The following ERBB4 variants were observed in gnomAD, a reference collection of about 807,000 sequenced individuals.
ERBB4 encodes the protein receptor tyrosine-protein kinase erbB-4.
A neutral mutation model predicts 158.0 loss-of-function variants in ERBB4; 42 were observed. The observed-to-expected ratio is 0.27, with a 90% CI of 0.21 to 0.34. ERBB4 has a LOEUF of 0.34. Among genes scored for constraint, ERBB4 ranks in the 10% least tolerant of loss-of-function variants. The pLI is 1.00. For missense variants in ERBB4, 1,333 were observed against 1,624.1 expected, an observed-to-expected ratio of 0.82 and a Z score of 3.08; for synonymous variants, 583 against 558.7, an observed-to-expected ratio of 1.04 and a Z score of -0.61.
Position 212,506,254 on chromosome 2 carries a change from T to A in ERBB4, c.82+32195A>T, listed in dbSNP as rs1691190235. ...TAGGCCATTTCCCCATCTCTCTCCCTCTCCTTGGGTTTCCCAATTCCCTGA... is the reference window on the plus strand; with the variant it reads ...TAGGCCATTTCCCCATCTCTCTCCCACTCCTTGGGTTTCCCAATTCCCTGA... On this transcript the variant is annotated intron_variant, in intron 1 of 27. Transcript: ENST00000342788. 1.3e-5 allele frequency among the ~76,000 whole-genome samples: 2 copies of A among 148,714 alleles called. 1 individual carries two copies. The highest frequency in any genetic ancestry group is 3.0e-5 in the Non-Finnish European group (2 of 65,988).
intron 1 of ERBB4, among the ~76,000 whole-genome samples, chr2:212,320,314 C>A (rs148180464): frequency 6.8e-6 from 1 of 146,846 alleles, no homozygotes; most frequent in African/African-American, 2.5e-5. Flanking sequence ...GTTTCAAGTA[C>A]AGTCTTTTTT....
intron 15 of ERBB4, among the ~76,000 whole-genome samples, chr2:211,662,762 G>C (rs768902568): frequency 6.6e-6 from 1 of 152,130 alleles, no homozygotes; most frequent in Non-Finnish European, 1.5e-5. Flanking sequence ...AGTAGTAAAA[G>C]TGCTTTTAAA....
At chr2:212,199,432 C>T (rs2082527554) in intron 1 of ERBB4, among the ~76,000 whole-genome samples, 2 of 152,154 alleles carry the variant, frequency 1.3e-5, no homozygotes, top group Admixed American at 6.6e-5. Context: ...ATCCCCAGAA[C>T]ATAACTATTA....
intron 1 of ERBB4, among the ~76,000 whole-genome samples, chr2:212,251,519 G>C (rs1468083940): frequency 1.3e-5 from 2 of 151,882 alleles, no homozygotes; most frequent in Non-Finnish European, 2.9e-5. Flanking sequence ...AAGCAAAAAT[G>C]AGGATCAGTA....
At chr2:212,512,339 C>T (rs202181797) in intron 1 of ERBB4, among the ~76,000 whole-genome samples, 1 of 146,224 alleles carries the variant, frequency 6.8e-6, no homozygotes, top group Non-Finnish European at 1.5e-5. Context: ...TATATATATA[C>T]ACACAAATAT....
At chr2:212,237,849 G>A (rs766120222) in intron 1 of ERBB4, among the ~76,000 whole-genome samples, 20 of 152,184 alleles carry the variant, frequency 1.3e-4, no homozygotes, top group Non-Finnish European at 2.5e-4. Context: ...TGCCCAGTTC[G>A]AACTTCCAAG....
chr2:211,493,017 A>T (rs1182106189), intron 20 of ERBB4, among the ~76,000 whole-genome samples: 1 of 152,120 alleles, frequency 6.6e-6, no homozygotes, highest in Non-Finnish European at 1.5e-5. Flanking sequence ...CAGGTTTTAT[A>T]TGTCATTAAT....
At chr2:212,229,416 G>A (rs75155942) in intron 1 of ERBB4, among the ~76,000 whole-genome samples, 5,474 of 152,230 alleles carry the variant, frequency 0.036, 323 homozygotes, top group African/African-American at 0.12. Flanking sequence ...AAACATATAT[G>A]CAAAAGTGCA....
intron 16 of ERBB4, among the ~76,000 whole-genome samples, chr2:211,631,462 T>C (rs569709660): frequency 2.6e-5 from 4 of 152,304 alleles, no homozygotes; most frequent in African/African-American, 9.6e-5. Context: ...AAAAGAGGTT[T>C]GCACATGAAG....
chr2:212,477,887 C>A (rs1331693371), intron 1 of ERBB4, among the ~76,000 whole-genome samples: 2 of 152,088 alleles, frequency 1.3e-5, no homozygotes, highest in African/African-American at 4.8e-5. Flanking sequence ...GATTCTCTGG[C>A]ATCTCTCTTG....
At chr2:211,526,748 G>C (rs565094485) in intron 20 of ERBB4, among the ~76,000 whole-genome samples, 1 of 151,364 alleles carries the variant, frequency 6.6e-6, no homozygotes, top group Non-Finnish European at 1.5e-5. Flanking sequence ...AAGAGAGTAA[G>C]TTAATTAAAG....
chr2:211,651,617 T>C (rs2070987194), intron 16 of ERBB4, among the ~76,000 whole-genome samples: 1 of 146,978 alleles, frequency 6.8e-6, no homozygotes, highest in Non-Finnish European at 1.5e-5. Flanking sequence ...CTGGGTCTAT[T>C]GGTCAGAGAG....
intron 3 of ERBB4, among the ~76,000 whole-genome samples, chr2:211,845,803 G>A (rs1055180950): frequency 1.3e-5 from 2 of 152,066 alleles, no homozygotes; most frequent in Non-Finnish European, 2.9e-5. Context: ...TCTACTTTTT[G>A]TCAGAGTGAC....
intron 20 of ERBB4, among the ~76,000 whole-genome samples, chr2:211,492,070 G>GAAAAA (rs35459917): frequency 6.9e-6 from 1 of 144,990 alleles, no homozygotes; most frequent in Non-Finnish European, 1.5e-5. Flanking sequence ...CTCACCTTAA[G>GAAAAA]AAAAAAAAAA....
At chr2:211,950,269 A>G (rs1463356388) in intron 2 of ERBB4, among the ~76,000 whole-genome samples, 4 of 152,262 alleles carry the variant, frequency 2.6e-5, no homozygotes, top group Admixed American at 6.5e-5. Context: ...CCAGGTGTCA[A>G]TGTCTGATGG....
intron 1 of ERBB4, among the ~76,000 whole-genome samples, chr2:212,355,300 C>T (rs1453187792): frequency 6.6e-6 from 1 of 152,016 alleles, no homozygotes; most frequent in Non-Finnish European, 1.5e-5. Context: ...TTTTGTACTA[C>T]AGTATTGGGC....
chr2:212,298,593 C>G (rs956367390), intron 1 of ERBB4, among the ~76,000 whole-genome samples: 1 of 151,706 alleles, frequency 6.6e-6, no homozygotes, highest in Non-Finnish European at 1.5e-5. Context: ...TTTTACACTA[C>G]CTGAGGAACT....
chr2:212,062,229 A>G (rs2077795080), intron 2 of ERBB4, among the ~76,000 whole-genome samples: 1 of 152,122 alleles, frequency 6.6e-6, no homozygotes, highest in African/African-American at 2.4e-5. Flanking sequence ...CTACATGTAT[A>G]TTAATTGAAT....
At chr2:211,717,692 G>C (rs982940865) in intron 7 of ERBB4, among the ~76,000 whole-genome samples, 1 of 78,354 alleles carries the variant, frequency 1.3e-5, no homozygotes, top group Non-Finnish European at 3.2e-5. Flanking sequence ...AGCTGGGCGT[G>C]GTGGATGTGC....
Sources: gnomAD v4.1 joint callset for allele counts (sites outside exome capture counted in the v4.1 genomes callset) on GRCh38, gnomAD v4.1.1 for gene constraint, MANE v1.5 for transcripts, NCBI Gene and HGNC (gene_info 2026-07-23, HGNC 2026-07-21) for gene names.